Variants in MASP2 observed in about 807,000 individuals in gnomAD.
MASP2 encodes the protein mannan-binding lectin serine protease 2.
A neutral mutation model predicts 57.1 loss-of-function variants in MASP2; 49 were observed. That is an observed-to-expected ratio of 0.86 (90% CI 0.68 to 1.09). The LOEUF (loss-of-function observed/expected upper bound fraction) is 1.09, where lower values mean the gene tolerates loss of function less well. Ranked by LOEUF, MASP2 falls within the 50% of genes least tolerant of loss-of-function variation. The probability of loss-of-function intolerance (pLI) is 0.00; values close to 1 mark genes in which losing one functional copy is unlikely to be tolerated. For synonymous variants in MASP2, 379 were observed against 340.8 expected (o/e 1.11, Z -1.24); for missense variants, 900 against 874.8 (o/e 1.03, Z -0.36).
In MASP2 at chr1:11,026,956, C is replaced by T. The variant is rs758838073; in HGVS notation, c.1990G>A (p.Gly664Ser). The change falls in exon 11 of 11, where the codon GGT becomes AGT. Residue 664 changes from glycine to serine, a missense_variant. Physicochemically the swap from Gly to Ser is moderately conservative, Grantham distance 56. Coordinates refer to ENST00000400897, the MANE Select transcript of MASP2 (RefSeq NM_006610.4). Reference sequence around the variant, plus strand: ...ACTTTTGTGTAGACTCCATACTGACCTGCTTCCCCACAATTCATGGAACCC... The same window carrying T: ...ACTTTTGTGTAGACTCCATACTGACTTGCTTCCCCACAATTCATGGAACCC... ...SWGSMNCGEA[G>S]QYGVYTKVIN... 1.9e-6 allele frequency: 3 copies of T among 1,546,534 alleles called. No individual in the cohort carries two copies. Among genetic ancestry groups the T allele is most frequent in the East Asian group, 4.5e-5 (2 of 44,462 alleles).
rs1643835167 is a variant in MASP2 at position 11,031,031 on chromosome 1, CCT to C, written c.1088-151_1088-150del. On this transcript the variant is annotated intron_variant, in intron 8 of 10. Transcript: ENST00000400897. ...CAGCCTGGGCAACATGGCAAGACCC[CCT>C]CTCTACGAAAGGTTAAAAAGCCGAG... The C allele has an allele frequency of 1.4e-5, 10 of 718,180 alleles. No individual in the cohort carries two copies. In the South Asian group the frequency reaches 2.1e-4, roughly 15 times the overall value. The allele number at this position is 718,180 out of a possible 1,614,324, so 44.5% of individuals were successfully genotyped here. A position where few individuals can be genotyped will look rare whatever the true frequency, so the allele number is the denominator to read the frequency against.
At chr1:11,032,698 C>T (rs928213475) in intron 8 of MASP2, among the ~76,000 whole-genome samples, 5 of 151,506 alleles carry the variant, frequency 3.3e-5, no homozygotes, top group Non-Finnish European at 5.9e-5. Flanking sequence ...CACTTGAAGT[C>T]AGGAGTTCAA....
Position 11,036,525 on chromosome 1 carries a change from A to C in MASP2, c.1008+1168T>G, listed in dbSNP as rs1187764087. On this transcript the variant is annotated intron_variant, in intron 7 of 10. Coordinates refer to ENST00000400897, the MANE Select transcript of MASP2 (RefSeq NM_006610.4). ...GACTCCGTCTCAAAAAAAAAAAAAA[A>C]AAAAAAAAAAAACAAAAAAAAAAGA... Among the ~76,000 whole-genome samples, 166 of 131,276 alleles carry C rather than the reference A, an allele frequency of 1.3e-3. 2 individuals carry two copies. The highest frequency in any genetic ancestry group is 6.0e-3 in the South Asian group (28 of 4,632). 86.1% of individuals were successfully genotyped at this position (131,276 alleles called of 152,430 possible).
chr1:11,035,430 G>A (rs1185414299), intron 7 of MASP2, among the ~76,000 whole-genome samples: 2 of 152,074 alleles, frequency 1.3e-5, no homozygotes, highest in African/African-American at 4.8e-5. Flanking sequence ...AGGAGGTTGA[G>A]GCAGGAGAAT....
chr1:11,028,613 CGTT>C (rs1213452930), intron 10 of MASP2, among the ~76,000 whole-genome samples: 1 of 151,526 alleles, frequency 6.6e-6, no homozygotes, highest in African/African-American at 2.4e-5. Context: ...TACCTACAGA[CGTT>C]GTGTTAGCCA....
intron 8 of MASP2, among the ~76,000 whole-genome samples, chr1:11,034,569 G>T (rs901549011): frequency 6.6e-6 from 1 of 151,768 alleles, no homozygotes; most frequent in Admixed American, 6.6e-5. Context: ...GTGGTGTCAG[G>T]TGCCTGTGGT....
chr1:11,031,990 T>C (rs1451086901), intron 8 of MASP2, among the ~76,000 whole-genome samples: 1 of 152,158 alleles, frequency 6.6e-6, no homozygotes, highest in African/African-American at 2.4e-5. Flanking sequence ...TTTCTAAAGC[T>C]CACTGGGCAC....
chr1:11,037,762 A>G lies in MASP2; in HGVS notation c.939T>C (p.Pro313=). ...PMAPPNGHVS[P]VQAKYILKDS... is the part of the protein sequence containing the mutation. ...CTTTCAGGATGTATTTGGCTTGCAC[A>G]GGTGAAACGTGGCCATTAGGTGGCG... Residue 313 remains proline (P), a synonymous_variant, in exon 7 of 11, where the codon CCT becomes CCC. Coordinates refer to ENST00000400897, the MANE Select transcript of MASP2 (RefSeq NM_006610.4). The G allele has an allele frequency of 6.2e-7, 1 of 1,613,326 alleles. No homozygotes were observed. The highest frequency in any genetic ancestry group is 1.1e-5 in the South Asian group (1 of 90,890).
intron 7 of MASP2, among the ~76,000 whole-genome samples, chr1:11,036,466 T>C (rs1638234504): frequency 8.3e-6 from 1 of 121,034 alleles, no homozygotes; most frequent in Admixed American, 1.2e-4. Flanking sequence ...ATTGCGCCAC[T>C]GCAGTCCGCA....
Position 11,030,757 on chromosome 1 carries a change from C to T in MASP2, c.1213G>A (p.Val405Met), listed in dbSNP as rs61735594. The part of the protein sequence containing the change: ...SCEETFYTMK[V>M]NDGKYVCEAD... ...TGAAGAATTTGCATACCATCATTCA[C>T]TTTCATTGTGTAGAAGGTCTCTTCA... Residue 405 changes from valine to methionine, a missense_variant, in exon 9 of 11, where the codon GTG becomes ATG. Val to Met is a conservative substitution (Grantham distance 21). Coordinates refer to ENST00000400897, the MANE Select transcript of MASP2 (RefSeq NM_006610.4). 2.6e-4 allele frequency: 418 copies of T among 1,605,640 alleles called. 2 individuals carry two copies. The highest frequency in any genetic ancestry group is 1.7e-4 in the Middle Eastern group (1 of 6,048).
chr1:11,035,947 A>AGCAGGTGTGATCAGACTT (rs1643883189), intron 7 of MASP2, among the ~76,000 whole-genome samples: 2 of 149,842 alleles, frequency 1.3e-5, no homozygotes, highest in African/African-American at 4.9e-5. Context: ...AGTTTGAGAA[A>AGCAGGTGTGATCAGACTT]GCAGGTGTGA....
At chr1:11,043,121 T>C (rs1209154893) in intron 5 of MASP2, 99 bp from the exon 6 acceptor site, 4 of 1,357,060 alleles carry the variant, frequency 2.9e-6, no homozygotes, top group East Asian at 2.3e-5. Flanking sequence ...GGACAGCCAA[T>C]GAGGCCAACC....
At chr1:11,036,957 T>C (rs1366621126) in intron 7 of MASP2, among the ~76,000 whole-genome samples, 1 of 152,176 alleles carries the variant, frequency 6.6e-6, no homozygotes, top group Non-Finnish European at 1.5e-5. Flanking sequence ...ACTGGGCACA[T>C]GGAACAGGAT....
At chr1:11,044,345 C>T (rs916559277) in intron 4 of MASP2, among the ~76,000 whole-genome samples, 1 of 152,160 alleles carries the variant, frequency 6.6e-6, no homozygotes, top group Admixed American at 6.5e-5. Context: ...TCCCATACCA[C>T]CACCCCACCC....
At chr1:11,043,184 G>A (rs748993113) in intron 5 of MASP2, 155 bp downstream of exon 5, 19 of 975,752 alleles carry the variant, frequency 1.9e-5, no homozygotes, top group Middle Eastern at 2.9e-4. Flanking sequence ...ACTTGTACTC[G>A]AAGGCCCCAG....
At chr1:11,034,146 C>T (rs772235876) in intron 8 of MASP2, among the ~76,000 whole-genome samples, 7 of 143,832 alleles carry the variant, frequency 4.9e-5, no homozygotes, top group Non-Finnish European at 9.0e-5. Flanking sequence ...GGGTAGCTGA[C>T]GTGGGAGAAT....
In MASP2 at chr1:11,026,912, C is replaced by G; in HGVS notation, c.2034G>C (p.Trp678Cys). 1 of 1,491,168 alleles carries G rather than the reference C, an allele frequency of 6.7e-7. No homozygotes were observed. The highest frequency in any genetic ancestry group is 8.9e-7 in the Non-Finnish European group (1 of 1,121,222). The allele number at this position is 1,491,168 out of a possible 1,614,324, so 92.4% of individuals were successfully genotyped here. A position where few individuals can be genotyped will look rare whatever the true frequency, so the allele number is the denominator to read the frequency against. The change falls in exon 11 of 11, where the codon TGG becomes TGC. Residue 678 changes from tryptophan to cysteine, a missense_variant. By Grantham distance (215) the Trp-to-Cys change is radical. Transcript: ENST00000400897. ...AAAAATCACTAATTATGTTCTCGATCCAGGGAATATAGTTAATAACTTTTG... is the reference window on the plus strand; with the variant it reads ...AAAAATCACTAATTATGTTCTCGATGCAGGGAATATAGTTAATAACTTTTG... Reference protein sequence around the residue: ...VYTKVINYIPWIENIISDF With the variant: ...VYTKVINYIPCIENIISDF
chr1:11,040,388 G>GC (rs79826237), intron 6 of MASP2, among the ~76,000 whole-genome samples: 1 of 104 alleles, frequency 9.6e-3, no homozygotes, highest in South Asian at 0.25. Context: ...AGACTTGCTT[G>GC]TTCCAGGAGG....
intron 8 of MASP2, among the ~76,000 whole-genome samples, chr1:11,033,383 G>A (rs1247903365): frequency 6.6e-6 from 1 of 151,966 alleles, no homozygotes; most frequent in Non-Finnish European, 1.5e-5. Context: ...TGTGGCTCAT[G>A]CCTGTACTAC....
Sources: allele counts gnomAD v4.1 joint callset (sites outside exome capture counted in the v4.1 genomes callset), GRCh38; gene constraint gnomAD v4.1.1; transcripts MANE v1.5; gene names NCBI Gene and HGNC (gene_info 2026-07-23, HGNC 2026-07-21).